RFFL: variants seen among roughly 807,000 people sequenced by gnomAD.
RFFL encodes the protein E3 ubiquitin-protein ligase rififylin.
RFFL carries 16 observed loss-of-function variants against 40.4 expected under a neutral mutation model. The observed-to-expected ratio is 0.40, with a 90% CI of 0.27 to 0.60. The LOEUF (loss-of-function observed/expected upper bound fraction) is 0.60, where lower values mean the gene tolerates loss of function less well. Ranked by LOEUF, RFFL falls within the 20% of genes least tolerant of loss-of-function variation. The pLI, the probability that RFFL is intolerant of heterozygous loss-of-function variation, is 0.47. For synonymous variants in RFFL, 154 were observed against 167.9 expected (o/e 0.92, Z 0.64); for missense variants, 367 against 451.7 (o/e 0.81, Z 1.70).
At chr17:35,086,379 G>C (rs562136156) in intron 1 of RFFL, among the ~76,000 whole-genome samples, 27 of 151,992 alleles carry the variant, frequency 1.8e-4, no homozygotes, top group African/African-American at 6.3e-4. Flanking sequence ...CCAGGTACTT[G>C]GGAGGCGAGG....
rs761166768 is a variant in RFFL at position 35,016,351 on chromosome 17, C to A, written c.886+19G>T. Reference sequence around the variant, plus strand: ...ACACTCCTGAGCTCTGTAAAGCTACCATGCAGATAGCCCCTCACCCAGGTG... The same window carrying A: ...ACACTCCTGAGCTCTGTAAAGCTACAATGCAGATAGCCCCTCACCCAGGTG... On this transcript the variant is annotated intron_variant, in intron 5 of 6. Transcript: ENST00000394597. The A allele has an allele frequency of 2.1e-5, 34 of 1,608,988 alleles. No individual in the cohort carries two copies. The highest frequency in any genetic ancestry group is 2.6e-5 in the Non-Finnish European group (31 of 1,175,714).
At chr17:35,067,632 T>C (rs1304029706), upstream of RFFL, among the ~76,000 whole-genome samples, 1 of 151,558 alleles carries the variant, frequency 6.6e-6, no homozygotes, top group African/African-American at 2.4e-5. Context: ...TTTTTGTATT[T>C]TTAGTAGAGA....
At chr17:35,029,607 G>A (rs1372210345) in intron 1 of RFFL, among the ~76,000 whole-genome samples, 2 of 148,830 alleles carry the variant, frequency 1.3e-5, no homozygotes, top group Non-Finnish European at 3.0e-5. Context: ...TGCAAGCTCC[G>A]CCTCCCGGGT....
At chr17:35,049,842 G>A (rs1183414117) in intron 1 of RFFL, among the ~76,000 whole-genome samples, 3 of 152,194 alleles carry the variant, frequency 2.0e-5, no homozygotes, top group Non-Finnish European at 2.9e-5. Flanking sequence ...AGCACTTTGG[G>A]AGGCCGAGGT....
At chr17:35,064,692 G>A (rs1026124775), upstream of RFFL, among the ~76,000 whole-genome samples, 6 of 152,146 alleles carry the variant, frequency 3.9e-5, no homozygotes, top group Non-Finnish European at 7.4e-5. Flanking sequence ...TTCTTAGCAG[G>A]GCATTTGAGG....
intron 1 of RFFL, among the ~76,000 whole-genome samples, chr17:35,044,067 T>C (rs2091182833): frequency 1.3e-5 from 2 of 152,200 alleles, no homozygotes; most frequent in South Asian, 4.1e-4. Flanking sequence ...TCTGACTTAA[T>C]TGTCTCAACT....
chr17:35,072,034 A>G (rs2091353299), intron 1 of RFFL, among the ~76,000 whole-genome samples: 1 of 151,992 alleles, frequency 6.6e-6, no homozygotes, highest in South Asian at 2.1e-4. Context: ...TAATACCAGC[A>G]TTTTGGGAGG....
intron 1 of RFFL, among the ~76,000 whole-genome samples, chr17:35,073,101 A>G (rs1023775605): frequency 6.6e-6 from 1 of 152,152 alleles, no homozygotes; most frequent in African/African-American, 2.4e-5. Context: ...GGGAGCTAAA[A>G]AAGGCAAAAT....
chr17:35,014,452 TC>T (rs1266372489), intron 6 of RFFL, among the ~76,000 whole-genome samples: 1 of 152,120 alleles, frequency 6.6e-6, no homozygotes, highest in Non-Finnish European at 1.5e-5. Context: ...ATGCCACCCC[TC>T]CTCTGTTTCA....
At chr17:35,040,500 G>A (rs2091156700) in intron 1 of RFFL, among the ~76,000 whole-genome samples, 1 of 151,764 alleles carries the variant, frequency 6.6e-6, no homozygotes, top group Non-Finnish European at 1.5e-5. Context: ...CCACTTGGGA[G>A]GCTGAGGTAG....
Position 35,009,569 on chromosome 17 carries a change from G to A in RFFL, c.*2399C>T, listed in dbSNP as rs749311411. ...TCTTGGAACTCCCAACTTTAATTTGGTGTAATAAAAATGATGCAAAAAAAA... is the reference window on the plus strand; with the variant it reads ...TCTTGGAACTCCCAACTTTAATTTGATGTAATAAAAATGATGCAAAAAAAA... On this transcript the variant is annotated 3_prime_UTR_variant, in exon 7 of 7. Transcript: ENST00000394597. 8 of 150,630 alleles carry A rather than the reference G, an allele frequency of 5.3e-5. No individual in the cohort carries two copies. The highest frequency in any genetic ancestry group is 8.8e-5 in the Non-Finnish European group (6 of 67,876). The allele number at this position is 150,630 out of a possible 1,614,324, so 9.3% of individuals were successfully genotyped here.
chr17:35,047,028 G>A (rs551207543), intron 1 of RFFL, among the ~76,000 whole-genome samples: 8 of 152,322 alleles, frequency 5.3e-5, no homozygotes, highest in South Asian at 4.1e-4. Flanking sequence ...TTCTTCCATC[G>A]AAACTGATGA....
chr17:35,020,642 T>C (rs1282403638), intron 3 of RFFL, among the ~76,000 whole-genome samples: 2 of 152,056 alleles, frequency 1.3e-5, no homozygotes, highest in Non-Finnish European at 2.9e-5. Flanking sequence ...TCACTTCTTA[T>C]ACAACAATTA....
intron 1 of RFFL, among the ~76,000 whole-genome samples, chr17:35,080,193 C>T (rs969144439): frequency 6.6e-6 from 1 of 152,156 alleles, no homozygotes; most frequent in Non-Finnish European, 1.5e-5. Context: ...ATCTTCCACA[C>T]CATGTAAAAT....
intron 1 of RFFL, among the ~76,000 whole-genome samples, chr17:35,032,787 A>C (rs2091094324): frequency 1.3e-5 from 2 of 152,084 alleles, no homozygotes; most frequent in Admixed American, 1.3e-4. Context: ...GAAAGCCCAC[A>C]GCAGAAAAGA....
chr17:35,051,729 C>T (rs533892689), intron 1 of RFFL, among the ~76,000 whole-genome samples: 29 of 152,260 alleles, frequency 1.9e-4, no homozygotes, highest in African/African-American at 6.3e-4. Context: ...AATAATTAAA[C>T]GCTGGCCCCT....
At chr17:35,054,532 A>G (rs539480861) in intron 1 of RFFL, among the ~76,000 whole-genome samples, 1 of 152,060 alleles carries the variant, frequency 6.6e-6, no homozygotes, top group Non-Finnish European at 1.5e-5. Context: ...TCTATCTTTT[A>G]TCTTCCCCTC....
intron 1 of RFFL, among the ~76,000 whole-genome samples, chr17:35,044,254 A>AT (rs1177932457): frequency 6.6e-5 from 10 of 151,808 alleles, no homozygotes; most frequent in Admixed American, 1.3e-4. Flanking sequence ...TTTTATTTTT[A>AT]TTTTTTTTGT....
chr17:35,019,953 A>T (rs559860926), intron 3 of RFFL, among the ~76,000 whole-genome samples: 5 of 152,362 alleles, frequency 3.3e-5, no homozygotes, highest in Admixed American at 6.5e-5. Context: ...CAGGGGGCCC[A>T]GTCCTGGCAA....
Sources: allele counts gnomAD v4.1 joint callset (sites outside exome capture counted in the v4.1 genomes callset), GRCh38; gene constraint gnomAD v4.1.1; transcripts MANE v1.5; gene names NCBI Gene and HGNC (gene_info 2026-07-23, HGNC 2026-07-21).